The following GALNT17 variants were observed in gnomAD, a reference collection of about 807,000 sequenced individuals.
The protein encoded by GALNT17 is UDP-GalNAc:polypeptide N-acetylgalactosaminyltransferase-like 3.
In GALNT17, 29 loss-of-function variants were observed where a neutral mutation model predicts 63.7. The ratio of observed to expected loss-of-function variants is 0.46; its 90% CI spans 0.34 to 0.62. The LOEUF (loss-of-function observed/expected upper bound fraction) is 0.62. Ranked by LOEUF, GALNT17 falls within the 20% of genes least tolerant of loss-of-function variation. GALNT17 has a pLI of 0.01. For synonymous variants in GALNT17, 305 were observed against 318.3 expected (o/e 0.96, Z 0.45); for missense variants, 603 against 799.6 (o/e 0.75, Z 2.97).
At chr7:71,658,361 C>T (rs887987263) in intron 6 of GALNT17, among the ~76,000 whole-genome samples, 7 of 152,186 alleles carry the variant, frequency 4.6e-5, no homozygotes, top group Non-Finnish European at 1.0e-4. Context: ...TCTTCCAGGA[C>T]ATCAGCTGTC....
intron 3 of GALNT17, among the ~76,000 whole-genome samples, chr7:71,401,317 G>A (rs994768237): frequency 1.3e-5 from 2 of 152,008 alleles, no homozygotes; most frequent in Non-Finnish European, 1.5e-5. Flanking sequence ...GGCTGGTCTC[G>A]AACTTCTGAC....
intron 1 of GALNT17, among the ~76,000 whole-genome samples, chr7:71,137,874 A>G (rs1787817110): frequency 6.6e-6 from 1 of 152,242 alleles, no homozygotes; most frequent in Non-Finnish European, 1.5e-5. Flanking sequence ...CAACACTTGC[A>G]CAGTCAAAAA....
At chr7:71,666,825 T>G (rs1790993141) in intron 7 of GALNT17, among the ~76,000 whole-genome samples, 1 of 152,218 alleles carries the variant, frequency 6.6e-6, no homozygotes, top group Non-Finnish European at 1.5e-5. Flanking sequence ...TGTTGTATTG[T>G]TCTTACTGGG....
chr7:71,570,864 G>C (rs191989442), intron 5 of GALNT17, among the ~76,000 whole-genome samples: 6 of 152,250 alleles, frequency 3.9e-5, no homozygotes, highest in Admixed American at 3.9e-4. Flanking sequence ...TGTAATCCCA[G>C]CTACTCAGGG....
intron 1 of GALNT17, among the ~76,000 whole-genome samples, chr7:71,271,942 A>C (rs1405395992): frequency 6.6e-6 from 1 of 152,116 alleles, no homozygotes; most frequent in African/African-American, 2.4e-5. Context: ...TAATTTTTGT[A>C]GAGATGGGGT....
At chr7:71,302,011 G>A (rs1374331319) in intron 1 of GALNT17, among the ~76,000 whole-genome samples, 5 of 152,196 alleles carry the variant, frequency 3.3e-5, no homozygotes, top group African/African-American at 1.2e-4. Flanking sequence ...GGAATACTGT[G>A]TAGCCATAAA....
chr7:71,480,716 G>A (rs745736270), intron 5 of GALNT17, among the ~76,000 whole-genome samples: 6 of 152,078 alleles, frequency 3.9e-5, no homozygotes, highest in Admixed American at 1.3e-4. Context: ...CATGTTGGCC[G>A]GGCTGGTCTC....
intron 5 of GALNT17, among the ~76,000 whole-genome samples, chr7:71,422,034 G>T (rs1289154180): frequency 6.6e-6 from 1 of 151,814 alleles, no homozygotes; most frequent in African/African-American, 2.4e-5. Context: ...GCTATAACAA[G>T]TTACTATGAA....
At chr7:71,321,922 C>CCTTCCTTCCCCT (rs1563001220) in intron 1 of GALNT17, among the ~76,000 whole-genome samples, 7 of 28,476 alleles carry the variant, frequency 2.5e-4, no homozygotes, top group African/African-American at 1.0e-3. Context: ...TTCCTTCCTT[C>CCTTCCTTCCCCT]CCCTCCCTCC....
intron 5 of GALNT17, among the ~76,000 whole-genome samples, chr7:71,435,884 G>A (rs1023478848): frequency 1.3e-5 from 2 of 152,040 alleles, no homozygotes; most frequent in African/African-American, 2.4e-5. Flanking sequence ...GCAGGGCGTG[G>A]TGGCGGACGC....
At chr7:71,509,980 T>C (rs964712089) in intron 5 of GALNT17, among the ~76,000 whole-genome samples, 1 of 152,020 alleles carries the variant, frequency 6.6e-6, no homozygotes, top group Admixed American at 6.5e-5. Context: ...GTTCTCTGTC[T>C]CTCATTCAAC....
intron 6 of GALNT17, among the ~76,000 whole-genome samples, chr7:71,627,710 C>G (rs1016760852): frequency 6.6e-6 from 1 of 152,178 alleles, no homozygotes; most frequent in Non-Finnish European, 1.5e-5. Flanking sequence ...CATACCCTAA[C>G]TCTAACGGAC....
chr7:71,229,981 G>C (rs1389300523), intron 1 of GALNT17, among the ~76,000 whole-genome samples: 1 of 152,208 alleles, frequency 6.6e-6, no homozygotes, highest in Non-Finnish European at 1.5e-5. Flanking sequence ...GCATTGCCCA[G>C]CACAGGCCTT....
At chr7:71,518,704 G>T (rs1243703921) in intron 5 of GALNT17, among the ~76,000 whole-genome samples, 1 of 152,196 alleles carries the variant, frequency 6.6e-6, no homozygotes, top group African/African-American at 2.4e-5. Flanking sequence ...GAGGGAGAAA[G>T]GATGGATGTT....
chr7:71,707,226 C>T (rs913512129), intron 9 of GALNT17, among the ~76,000 whole-genome samples: 9 of 152,116 alleles, frequency 5.9e-5, no homozygotes, highest in Non-Finnish European at 7.4e-5. Context: ...TGCCATTCAC[C>T]ACAGTTATGT....
intron 1 of GALNT17, among the ~76,000 whole-genome samples, chr7:71,198,153 G>A (rs1265157085): frequency 6.8e-6 from 1 of 147,274 alleles, no homozygotes. Flanking sequence ...AGTTGAGATT[G>A]TGACATTGCA....
At chr7:71,164,652 G>A (rs547961438) in intron 1 of GALNT17, among the ~76,000 whole-genome samples, 17 of 152,226 alleles carry the variant, frequency 1.1e-4, no homozygotes, top group African/African-American at 3.4e-4. Flanking sequence ...AGGGGGAAGC[G>A]ACCACAGAAC....
chr7:71,133,650 G>A (rs563876997), intron 1 of GALNT17, among the ~76,000 whole-genome samples: 5 of 152,312 alleles, frequency 3.3e-5, no homozygotes, highest in African/African-American at 1.2e-4. Context: ...AAAGCTCAGG[G>A]TGGGCCTGCG....
chr7:71,570,808 C>T (rs1321031893), intron 5 of GALNT17, among the ~76,000 whole-genome samples: 1 of 151,970 alleles, frequency 6.6e-6, no homozygotes, highest in Admixed American at 6.6e-5. Context: ...GGAGAAACCC[C>T]GGCTCTACTA....
Sources: gnomAD v4.1 joint callset for allele counts (sites outside exome capture counted in the v4.1 genomes callset) on GRCh38, gnomAD v4.1.1 for gene constraint, MANE v1.5 for transcripts, NCBI Gene and HGNC (gene_info 2026-07-23, HGNC 2026-07-21) for gene names.